SEC16A: variants seen among roughly 807,000 people sequenced by gnomAD.
The protein encoded by SEC16A is protein transport protein Sec16A.
In SEC16A, 110 loss-of-function variants were observed where a neutral mutation model predicts 221.9. That is an observed-to-expected ratio of 0.50 (90% CI 0.42 to 0.58). SEC16A has a LOEUF of 0.58. SEC16A is among the 20% of genes least tolerant of loss of function. SEC16A has a pLI of 0.00. For missense variants in SEC16A, 3,165 were observed against 3,097.8 expected (o/e 1.02, Z -0.52); for synonymous variants, 1,393 against 1,257.7 (o/e 1.11, Z -2.28).
rs772141646 is a variant in SEC16A at position 136,475,378 on chromosome 9, C to T, written c.2238G>A (p.Ala746=). 139 of 1,609,012 alleles carry T rather than the reference C, an allele frequency of 8.6e-5. No individual in the cohort carries two copies. The Admixed American group carries it at 8.9e-4, about 10-fold the overall frequency. Reference sequence around the variant, plus strand: ...GCTGAGGTTTTGCACACACATAAAGCGCCGGGGCTGCAGGGGCCAGAAGGA... The same window carrying T: ...GCTGAGGTTTTGCACACACATAAAGTGCCGGGGCTGCAGGGGCCAGAAGGA... ...GNVLLAPAAP[A]LYVCAKPQPP... is the part of the protein sequence containing the mutation. Residue 746 remains alanine (A), a synonymous_variant, in exon 3 of 32, where the codon GCG becomes GCA. Transcript: ENST00000684901. The surrounding 1 kb of genome is among the most constrained non-coding windows in gnomAD (Gnocchi z 5.0).
At chr9:136,452,821 C>CCAGCA (rs2132043776) in intron 22 of SEC16A, among the ~76,000 whole-genome samples, 1 of 148,904 alleles carries the variant, frequency 6.7e-6, no homozygotes, top group African/African-American at 2.5e-5. Context: ...ACCTGTAATC[C>CCAGCA]CAGCACTTTG....
At chr9:136,442,221 C>G (rs1836287448) in intron 31 of SEC16A, among the ~76,000 whole-genome samples, 1 of 152,262 alleles carries the variant, frequency 6.6e-6, no homozygotes, top group African/African-American at 2.4e-5. Flanking sequence ...GGCATCCACT[C>G]TTGCTCCCTC....
chr9:136,476,953 G>A lies in SEC16A; in HGVS notation c.663C>T (p.Gly221=), dbSNP rs11999532. The change falls in exon 3 of 32, where the codon GGC becomes GGT. Residue 221 remains glycine (G), a synonymous_variant. Transcript: ENST00000684901. ...AACGATGTTGCCCCGAGGGCTGTGG[G>A]CCTCCCTGCACTGGCCCCCACTGTC... ...MPGQWGPVQG[G]PQPSGQHRSP... 1 of 1,612,454 alleles carries A rather than the reference G, an allele frequency of 6.2e-7. No individual in the cohort carries two copies. Among genetic ancestry groups the A allele is most frequent in the Non-Finnish European group, 8.5e-7 (1 of 1,179,708 alleles).
intron 31 of SEC16A, among the ~76,000 whole-genome samples, chr9:136,443,091 C>T (rs867180026): frequency 6.6e-6 from 1 of 152,224 alleles, no homozygotes; most frequent in Non-Finnish European, 1.5e-5. Flanking sequence ...AGACCACGGG[C>T]TCCAGGAGAA....
Position 136,447,077 on chromosome 9 carries a change from CA to C in SEC16A, c.6698-129del, listed in dbSNP as rs3841203. On this transcript the variant is annotated intron_variant, in intron 27 of 31. Transcript: ENST00000684901. The surrounding 1 kb of genome is among the most constrained non-coding windows in gnomAD (Gnocchi z 5.5). ...CACACTCATGCAGAAACAGGCAAAT[CA>C]AAAAAAAAACCACAAACCAACCCCA... 641,299 of 1,445,322 alleles carry C rather than the reference CA, an allele frequency of 0.44. 138,028 individuals are homozygous for C. The highest frequency in any genetic ancestry group is 0.55 in the Admixed American group (22,470 of 40,628). The allele number at this position is 1,445,322 out of a possible 1,614,324, so 89.5% of individuals were successfully genotyped here. A position where few individuals can be genotyped will look rare whatever the true frequency, so the allele number is the denominator to read the frequency against.
chr9:136,476,076 G>T lies in SEC16A; in HGVS notation c.1540C>A (p.His514Asn). The change falls in exon 3 of 32, where the codon CAT becomes AAT. Residue 514 changes from histidine to asparagine, a missense_variant. Around this residue, in one of 3 missense-constraint regions of SEC16A, gnomAD observed 2,030 missense variants for 1,923.1 expected, o/e 1.06. Transcript: ENST00000684901. ...CHTGAPDATLHTVHPDSVSSS... is the reference protein window; with the variant it reads ...CHTGAPDATLNTVHPDSVSSS... ...GACACGCTGTCAGGGTGCACTGTAT[G>T]CAGTGTGGCATCAGGGGCTCCGGTG... 2 of 1,613,648 alleles carry T rather than the reference G, an allele frequency of 1.2e-6. No homozygotes were observed. The highest frequency in any genetic ancestry group is 1.7e-6 in the Non-Finnish European group (2 of 1,179,878).
Position 136,449,999 on chromosome 9 carries a change from T to G in SEC16A, c.6312+1257A>C, listed in dbSNP as rs188255550. Among the ~76,000 whole-genome samples, 680 of 151,560 alleles carry G rather than the reference T, an allele frequency of 4.5e-3. 2 individuals are homozygous for G. Among genetic ancestry groups the G allele is most frequent in the Non-Finnish European group, 6.9e-3 (468 of 67,830 alleles). ...CAGGCAGATCACTTGAGGTCAGGAG[T>G]TTGAGACCAGCCTGGCCAACATGGT... On this transcript the variant is annotated intron_variant, in intron 23 of 31. Coordinates refer to ENST00000684901, the MANE Select transcript of SEC16A (RefSeq NM_014866.2).
rs983552207 is a variant in SEC16A at position 136,459,534 on chromosome 9, G to A, written c.5213C>T (p.Ala1738Val). 1.9e-6 allele frequency: 3 copies of A among 1,601,350 alleles called. No individual in the cohort carries two copies. Among genetic ancestry groups the A allele is most frequent in the East Asian group, 2.3e-5 (1 of 44,430 alleles). Residue 1738 changes from alanine (A) to valine (V), a missense_variant, in exon 16 of 32, where the codon GCG (alanine) becomes GTG (valine). Ala to Val is a moderately conservative substitution (Grantham distance 64). Transcript: ENST00000684901. This position sits in a 1 kb window ranked among gnomAD's most constrained non-coding sequence, Gnocchi z 6.1. ...DTLASRGLLD[A>V]AHFCYLMAQA... The stretch of plus-strand genomic sequence containing the variant: ...GGCCATGAGGTAGCAGAAGTGGGCC[G>A]CATCCAAGAGGCCCCTTGAAGCTGC...
Position 136,455,629 on chromosome 9 carries a change from C to G in SEC16A, c.5829G>C (p.Ser1943=), listed in dbSNP as rs768107241. The change falls in exon 20 of 32, where the codon TCG becomes TCC. Residue 1943 remains serine (S), a synonymous_variant. Coordinates refer to ENST00000684901, the MANE Select transcript of SEC16A (RefSeq NM_014866.2). ...AGGGCAGCAGCCGCACGCTCGGGCT[C>G]GAGTGCTCAGGGCTCGGTGCAGGCA... ...LAVPAPSPEH[S]SPSVRLLPSA... is the part of the protein sequence containing the mutation. 1 of 1,582,838 alleles carries G rather than the reference C, an allele frequency of 6.3e-7. No homozygotes were observed. The highest frequency in any genetic ancestry group is 2.3e-5 in the East Asian group (1 of 43,144).
At position 136,475,546 on chromosome 9, in the gene SEC16A, C is replaced by G; in HGVS notation, c.2070G>C (p.Pro690=). ...TATCCAAGGGCGGTGCCCCTGCGTGCGGAAGCATGTGCACAGCTTCCGTGG... is the reference window on the plus strand; with the variant it reads ...TATCCAAGGGCGGTGCCCCTGCGTGGGGAAGCATGTGCACAGCTTCCGTGG... ...NSTTEAVHML[P]HAGAPPLDTV... Residue 690 remains proline (P), a synonymous_variant, in exon 3 of 32, where the codon CCG becomes CCC. Transcript: ENST00000684901. This position sits in a 1 kb window ranked among gnomAD's most constrained non-coding sequence, Gnocchi z 5.0. The G allele has an allele frequency of 6.2e-7, 1 of 1,613,254 alleles. No homozygotes were observed. The highest frequency in any genetic ancestry group is 1.3e-5 in the African/African-American group (1 of 75,006).
intron 1 of SEC16A, among the ~76,000 whole-genome samples, 39 bp from the exon 2 acceptor site, chr9:136,478,869 CA>C (rs1270589588): frequency 6.6e-6 from 1 of 152,308 alleles, no homozygotes; most frequent in African/African-American, 2.4e-5. Flanking sequence ...GTGACACAAT[CA>C]TTTTTTTAAA....
Position 136,474,589 on chromosome 9 carries a change from G to A in SEC16A, c.3027C>T (p.Tyr1009=). The part of the protein sequence containing the change: ...SRTLENPVNV[Y]NPSHSDSLAS... ...CGAGGCTGTCAGAATGGGACGGGTT[G>A]TACACGTTTACAGGATTTTCCAAAG... The change falls in exon 3 of 32, where the codon TAC becomes TAT. Residue 1009 remains tyrosine, a synonymous_variant. Transcript: ENST00000684901. 1.9e-6 allele frequency: 3 copies of A among 1,612,896 alleles called. No homozygotes were observed. The highest frequency in any genetic ancestry group is 2.5e-6 in the Non-Finnish European group (3 of 1,179,778).
At position 136,454,149 on chromosome 9, in the gene SEC16A, T is replaced by A; in HGVS notation, c.6036A>T (p.Glu2012Asp). The change falls in exon 21 of 32, where the codon GAA (glutamate) becomes GAT (aspartate). Residue 2012 changes from glutamate to aspartate, a missense_variant. Glu to Asp is a conservative substitution (Grantham distance 45). Around this residue, in one of 3 missense-constraint regions of SEC16A, gnomAD observed 1,088 missense variants for 1,089.6 expected, o/e 1.00. Coordinates refer to ENST00000684901, the MANE Select transcript of SEC16A (RefSeq NM_014866.2). ...GLPPGVPPLQ[E>D]RRHLLQEARS... ...TGGCTTCCTGGAGCAAGTGTCTCCT[T>A]TCCTGCAGAGGTGGCACACCAGGTG... is the stretch of plus-strand genomic sequence containing the variant. The A allele has an allele frequency of 6.4e-7, 1 of 1,554,878 alleles. No homozygotes were observed. Among genetic ancestry groups the A allele is most frequent in the Non-Finnish European group, 8.7e-7 (1 of 1,148,940 alleles).
At position 136,463,081 on chromosome 9, in the gene SEC16A, C is replaced by T. The variant is rs776143377; in HGVS notation, c.4699G>A (p.Val1567Met). The change falls in exon 12 of 32, where the codon GTG (valine) becomes ATG (methionine). Residue 1567 changes from valine (V) to methionine (M), a missense_variant. Around this residue, in one of 3 missense-constraint regions of SEC16A, gnomAD observed 1,088 missense variants for 1,089.6 expected, o/e 1.00. Coordinates refer to ENST00000684901, the MANE Select transcript of SEC16A (RefSeq NM_014866.2). ...AELLLRDHRTVWLPGKSPNEA... is the reference protein window; with the variant it reads ...AELLLRDHRTMWLPGKSPNEA... ...TTGGGCGACTTCCCAGGAAGCCACA[C>T]TGTTCTGTGGTCTCGTAACAGAAGC... The T allele has an allele frequency of 6.5e-5, 104 of 1,612,358 alleles. No individual in the cohort carries two copies. Among genetic ancestry groups the T allele is most frequent in the Non-Finnish European group, 8.1e-5 (95 of 1,179,902 alleles).
chr9:136,446,345 G>T (rs1409007188), intron 28 of SEC16A, among the ~76,000 whole-genome samples: 2 of 151,656 alleles, frequency 1.3e-5, no homozygotes, highest in African/African-American at 4.9e-5. Flanking sequence ...CTGACCTCAG[G>T]TGACCCGCCC....
Position 136,459,674 on chromosome 9 carries a change from G to T in SEC16A, c.5191+83C>A. ...GCCGGACCGAGAAGGCCGGGTTCTGGTGATTTCTGCCAACGCCACAGACAA... is the reference window on the plus strand; with the variant it reads ...GCCGGACCGAGAAGGCCGGGTTCTGTTGATTTCTGCCAACGCCACAGACAA... On this transcript the variant is annotated intron_variant, in intron 15 of 31. Transcript: ENST00000684901. The surrounding 1 kb of genome is among the most constrained non-coding windows in gnomAD (Gnocchi z 6.1). The T allele has an allele frequency of 7.2e-7, 1 of 1,395,130 alleles. No individual in the cohort carries two copies. Among genetic ancestry groups the T allele is most frequent in the Non-Finnish European group, 9.9e-7 (1 of 1,009,110 alleles). 86.4% of individuals were successfully genotyped at this position (1,395,130 alleles called of 1,614,324 possible).
chr9:136,445,142 C>T (rs75639877), intron 29 of SEC16A, 31 bp from the exon 30 acceptor site: 49 of 1,580,374 alleles, frequency 3.1e-5, no homozygotes, highest in East Asian at 1.8e-4. Flanking sequence ...ACATAAAACA[C>T]GGACGAAAGT....
At position 136,447,395 on chromosome 9, in the gene SEC16A, A is replaced by G; in HGVS notation, c.6560-31T>C. 1 of 1,590,074 alleles carries G rather than the reference A, an allele frequency of 6.3e-7. No homozygotes were observed. The highest frequency in any genetic ancestry group is 1.1e-5 in the South Asian group (1 of 87,526). On this transcript the variant is annotated intron_variant, in intron 26 of 31. Transcript: ENST00000684901. The surrounding 1 kb of genome is among the most constrained non-coding windows in gnomAD (Gnocchi z 5.5). ...AAGGGGAGGGAAGCAAATTGAGGTG[A>G]ACGCGCCAGGTGGCCTCCAGCTTCC...
At chr9:136,448,258 G>A (rs1324134862) in intron 23 of SEC16A, 97 bp from the exon 24 acceptor site, 4 of 1,001,612 alleles carry the variant, frequency 4.0e-6, no homozygotes, top group Non-Finnish European at 6.2e-6. Context: ...ACTTCTGTGA[G>A]GCCCCAGAGT....
Sources: gnomAD v4.1 joint callset for allele counts (sites outside exome capture counted in the v4.1 genomes callset) on GRCh38, gnomAD v4.1.1 for gene constraint, gnomAD v4.1.1 regional missense constraint, Gnocchi (gnomAD v3.1) non-coding constraint, MANE v1.5 for transcripts, NCBI Gene and HGNC (gene_info 2026-07-23, HGNC 2026-07-21) for gene names.